Variants in ITFG2 observed in about 807,000 individuals in gnomAD.
ITFG2 encodes the protein KICSTOR complex protein ITFG2.
A neutral mutation model predicts 54.4 loss-of-function variants in ITFG2; 36 were observed. That is an observed-to-expected ratio of 0.66 (90% CI 0.51 to 0.87). The LOEUF (loss-of-function observed/expected upper bound fraction) is 0.87. Ranked by LOEUF, ITFG2 falls within the 40% of genes least tolerant of loss-of-function variation. The pLI is 0.00. For missense variants in ITFG2, 524 were observed against 576.7 expected, an observed-to-expected ratio of 0.91 and a Z score of 0.94; for synonymous variants, 211 against 225.4, an observed-to-expected ratio of 0.94 and a Z score of 0.57.
At chr12:2,827,248 C>T (rs1010346675), downstream of ITFG2, 4 of 1,614,144 alleles carry the variant, frequency 2.5e-6, no homozygotes, top group Non-Finnish European at 3.4e-6. This position sits in a 1 kb window ranked among gnomAD's most constrained non-coding sequence, Gnocchi z 4.0. Flanking sequence ...AAGGGTAGCT[C>T]TGAGAACGGG....
intron 3 of ITFG2, chr12:2,858,876 A>C (rs1344844305): frequency 6.2e-7 from 1 of 1,613,992 alleles, no homozygotes; most frequent in Admixed American, 1.7e-5. Context: ...GGGGACGGAG[A>C]TGAGGTCTAA....
chr12:2,837,304 C>A (rs1003513671), intron 1 of ITFG2, among the ~76,000 whole-genome samples: 1 of 151,946 alleles, frequency 6.6e-6, no homozygotes, highest in African/African-American at 2.4e-5. Flanking sequence ...AGTGAAACCC[C>A]GTCTCTACTA....
chr12:2,849,676 G>A lies in ITFG2; in HGVS notation n.301-8336G>A, dbSNP rs143953765. Among the ~76,000 whole-genome samples the A allele has an allele frequency of 3.3e-4, 50 of 152,328 alleles. No individual in the cohort carries two copies. In the East Asian group the frequency reaches 7.3e-3, roughly 22 times the overall value. ...ATCCCTTCTGTCTCTCCACCTAATCGGATATTGACCTGTGCCAAATGGCCT... is the reference window on the plus strand; with the variant it reads ...ATCCCTTCTGTCTCTCCACCTAATCAGATATTGACCTGTGCCAAATGGCCT... On this transcript the variant is annotated intron_variant and non_coding_transcript_variant, in intron 2 of 3. Coordinates refer to the ITFG2 transcript ENST00000537710.
intron 3 of ITFG2, chr12:2,858,673 T>A (rs773302517): frequency 1.2e-6 from 2 of 1,613,976 alleles, no homozygotes; most frequent in African/African-American, 2.7e-5. Context: ...GACCAGTTGA[T>A]GTTGTCAGGG....
intron 2 of ITFG2, among the ~76,000 whole-genome samples, chr12:2,852,892 A>G (rs986100525): frequency 5.3e-5 from 8 of 152,050 alleles, no homozygotes; most frequent in African/African-American, 1.9e-4. Flanking sequence ...CCAGCTACTC[A>G]GGAGGCTGAG....
Position 2,823,887 on chromosome 12 carries a change from T to C in ITFG2, c.1184T>C (p.Val395Ala). 1 of 1,613,474 alleles carries C rather than the reference T, an allele frequency of 6.2e-7. No individual in the cohort carries two copies. Residue 395 changes from valine (V) to alanine (A), a missense_variant, in exon 11 of 12, where the codon GTG (valine) becomes GCG (alanine). Physicochemically the swap from Val to Ala is moderately conservative, Grantham distance 64. Coordinates refer to ENST00000228799, the MANE Select transcript of ITFG2 (RefSeq NM_018463.4). ...QLERMESTNLVKLLETKPEYH... is the reference protein window; with the variant it reads ...QLERMESTNLAKLLETKPEYH... ...GAGCGGATGGAGTCTACCAATCTGGTGAAACTGCTGGAGACCAAGCCGGAG... is the reference window on the plus strand; with the variant it reads ...GAGCGGATGGAGTCTACCAATCTGGCGAAACTGCTGGAGACCAAGCCGGAG...
In ITFG2 at chr12:2,812,717, A is replaced by G. The variant is rs757366015; in HGVS notation, c.-44A>G. On this transcript the variant is annotated 5_prime_UTR_variant, in exon 1 of 12. Coordinates refer to ENST00000228799, the MANE Select transcript of ITFG2 (RefSeq NM_018463.4). Reference sequence around the variant, plus strand: ...CGGCTGTCGCGACGGGGGTTCAGGGAATATTTACTGGGCCTCTCCGCTCCC... The same window carrying G: ...CGGCTGTCGCGACGGGGGTTCAGGGGATATTTACTGGGCCTCTCCGCTCCC... The G allele has an allele frequency of 3.9e-6, 6 of 1,541,646 alleles. No individual in the cohort carries two copies. In the African/African-American group the frequency reaches 8.2e-5, roughly 21 times the overall value.
downstream of ITFG2, chr12:2,828,094 T>C (rs1204113811): frequency 6.6e-7 from 1 of 1,524,210 alleles, no homozygotes; most frequent in Non-Finnish European, 9.0e-7. Flanking sequence ...CCCTAGAGGG[T>C]TCCACCCCAT....
downstream of ITFG2, chr12:2,827,088 G>A (rs372222206): frequency 1.0e-4 from 160 of 1,534,566 alleles, no homozygotes; most frequent in African/African-American, 1.9e-3. The surrounding 1 kb of genome is among the most constrained non-coding windows in gnomAD (Gnocchi z 4.0). Context: ...GGGTCAGGGA[G>A]GTGATTGGAA....
upstream of ITFG2, among the ~76,000 whole-genome samples, chr12:2,834,207 C>T (rs771687903): frequency 1.2e-4 from 19 of 152,160 alleles, no homozygotes; most frequent in Non-Finnish European, 2.4e-4. Context: ...TGTTTTGATT[C>T]TGAGGAGAAA....
intron 2 of ITFG2, among the ~76,000 whole-genome samples, chr12:2,841,677 T>G (rs1258016846): frequency 6.6e-6 from 1 of 152,072 alleles, no homozygotes; most frequent in Non-Finnish European, 1.5e-5. Context: ...GTGTGAAACA[T>G]CTCATGAATT....
At chr12:2,843,484 C>T (rs2098046205) in intron 2 of ITFG2, among the ~76,000 whole-genome samples, 1 of 152,198 alleles carries the variant, frequency 6.6e-6, no homozygotes, top group Non-Finnish European at 1.5e-5. Flanking sequence ...GCAGCCTGAG[C>T]ATGGCATGGT....
chr12:2,837,314 A>G lies in ITFG2; in HGVS notation n.146+358A>G, dbSNP rs981172789. On this transcript the variant is annotated intron_variant and non_coding_transcript_variant, in intron 1 of 3. Transcript: ENST00000537710. Reference sequence around the variant, plus strand: ...AACACAGTGAAACCCCGTCTCTACTAAAAATACAAAAAAATTAGCCGGGCG... The same window carrying G: ...AACACAGTGAAACCCCGTCTCTACTGAAAATACAAAAAAATTAGCCGGGCG... 3.3e-5 allele frequency among the ~76,000 whole-genome samples: 5 copies of G among 152,062 alleles called. No homozygotes were observed. The South Asian group carries it at 1.0e-3, about 31-fold the overall frequency.
chr12:2,827,242 G>A (rs200436361), downstream of ITFG2: 10 of 1,614,144 alleles, frequency 6.2e-6, no homozygotes, highest in East Asian at 1.1e-4. This position sits in a 1 kb window ranked among gnomAD's most constrained non-coding sequence, Gnocchi z 4.0. Flanking sequence ...GGCAGGAAGG[G>A]TAGCTCTGAG....
Position 2,817,251 on chromosome 12 carries a change from G to A in ITFG2, c.125G>A (p.Ser42Asn). Reference protein sequence around the residue: ...TLNELVVGDTSGKVSVYKNDD... With the variant: ...TLNELVVGDTNGKVSVYKNDD... ...AATGAACTGGTGGTGGGAGACACCAGCGGGAAGGTGTCTGTGTATAAAAAT... is the reference window on the plus strand; with the variant it reads ...AATGAACTGGTGGTGGGAGACACCAACGGGAAGGTGTCTGTGTATAAAAAT... The change falls in exon 2 of 12, where the codon AGC becomes AAC. Residue 42 changes from serine to asparagine, a missense_variant. Physicochemically the swap from Ser to Asn is conservative, Grantham distance 46. Coordinates refer to ENST00000228799, the MANE Select transcript of ITFG2 (RefSeq NM_018463.4). The A allele has an allele frequency of 1.2e-6, 2 of 1,613,346 alleles. No individual in the cohort carries two copies. The highest frequency in any genetic ancestry group is 1.7e-6 in the Non-Finnish European group (2 of 1,179,332).
At chr12:2,853,863 C>G (rs922924197) in intron 2 of ITFG2, among the ~76,000 whole-genome samples, 1 of 152,122 alleles carries the variant, frequency 6.6e-6, no homozygotes, top group African/African-American at 2.4e-5. Flanking sequence ...ACTTCTCAGC[C>G]CTGCCTGGAG....
intron 2 of ITFG2, among the ~76,000 whole-genome samples, chr12:2,852,142 G>A (rs1266949684): frequency 6.6e-5 from 10 of 152,136 alleles, no homozygotes; most frequent in Non-Finnish European, 1.0e-4. Flanking sequence ...ATGACTTCCT[G>A]TTATGTGTCC....
chr12:2,816,767 G>A (rs1312242790), intron 1 of ITFG2, among the ~76,000 whole-genome samples: 3 of 151,206 alleles, frequency 2.0e-5, no homozygotes, highest in Non-Finnish European at 4.4e-5. Flanking sequence ...TCGGTGTCCC[G>A]AGTAGTTGGG....
chr12:2,853,828 C>T (rs1339662147), intron 2 of ITFG2, among the ~76,000 whole-genome samples: 2 of 152,056 alleles, frequency 1.3e-5, no homozygotes, highest in African/African-American at 4.8e-5. Context: ...AGCGGCTCCT[C>T]TCAACGTTCC....
Sources: gnomAD v4.1 joint callset for allele counts (sites outside exome capture counted in the v4.1 genomes callset) on GRCh38, gnomAD v4.1.1 for gene constraint, Gnocchi (gnomAD v3.1) non-coding constraint, MANE v1.5 for transcripts, NCBI Gene and HGNC (gene_info 2026-07-23, HGNC 2026-07-21) for gene names.